SOX5: variants seen among roughly 807,000 people sequenced by gnomAD.
The protein encoded by SOX5 is SRY-box transcription factor 5, also known as transcription factor SOX-5.
In SOX5, 9 loss-of-function variants were observed where a neutral mutation model predicts 92.0. The ratio of observed to expected loss-of-function variants is 0.10; its 90% CI spans 0.06 to 0.17. The LOEUF (loss-of-function observed/expected upper bound fraction) is 0.17. SOX5 is among the 10% of genes least tolerant of loss of function. The probability of loss-of-function intolerance (pLI) is 1.00; values close to 1 mark genes in which losing one functional copy is unlikely to be tolerated. For synonymous variants in SOX5, 344 were observed against 336.3 expected (o/e 1.02, Z -0.25); for missense variants, 642 against 944.5 (o/e 0.68, Z 4.20).
At chr12:23,806,937 T>C (rs1355705895) in intron 3 of SOX5, among the ~76,000 whole-genome samples, 2 of 152,160 alleles carry the variant, frequency 1.3e-5, no homozygotes, top group African/African-American at 4.8e-5. Context: ...TTTTTTGCAA[T>C]CTTTTCACCT....
At chr12:24,170,050 C>T (rs1384178865) in intron 4 of SOX5, among the ~76,000 whole-genome samples, 1 of 152,118 alleles carries the variant, frequency 6.6e-6, no homozygotes, top group Non-Finnish European at 1.5e-5. Context: ...AGAGTGGCAC[C>T]TTTAAGTACA....
intron 2 of SOX5, among the ~76,000 whole-genome samples, chr12:23,871,774 T>C (rs1286420803): frequency 6.6e-6 from 1 of 152,136 alleles, no homozygotes; most frequent in African/African-American, 2.4e-5. Flanking sequence ...TTCACTTGTT[T>C]TCTGTTTCTA....
intron 3 of SOX5, among the ~76,000 whole-genome samples, chr12:23,766,834 T>C (rs949909223): frequency 2.6e-5 from 4 of 152,186 alleles, no homozygotes; most frequent in South Asian, 2.1e-4. Context: ...TAATATTGTA[T>C]ATAATTTATT....
intron 3 of SOX5, among the ~76,000 whole-genome samples, chr12:23,760,616 C>T (rs959928055): frequency 6.6e-6 from 1 of 151,638 alleles, no homozygotes; most frequent in Non-Finnish European, 1.5e-5. Context: ...GTGAATGGCC[C>T]CCCCCAACTG....
At chr12:24,463,747 C>G (rs1943910488) in intron 1 of SOX5, among the ~76,000 whole-genome samples, 1 of 152,198 alleles carries the variant, frequency 6.6e-6, no homozygotes. Context: ...AACTAGTGCT[C>G]TCATTCACTC....
chr12:24,426,688 A>G (rs1197771412), intron 1 of SOX5, among the ~76,000 whole-genome samples: 1 of 152,210 alleles, frequency 6.6e-6, no homozygotes, highest in Admixed American at 6.5e-5. Flanking sequence ...TTCATATCTT[A>G]GTCTTCGCTG....
At chr12:24,189,870 T>A (rs377625669) in intron 4 of SOX5, among the ~76,000 whole-genome samples, 70 of 152,276 alleles carry the variant, frequency 4.6e-4, no homozygotes, top group Middle Eastern at 3.4e-3. Flanking sequence ...CAAGTTCCAA[T>A]ATTGAGACAC....
intron 4 of SOX5, among the ~76,000 whole-genome samples, chr12:24,017,805 T>G (rs936615058): frequency 3.9e-5 from 6 of 152,024 alleles, no homozygotes; most frequent in Non-Finnish European, 7.4e-5. Flanking sequence ...CACCGTCACT[T>G]TCAGATGACC....
intron 1 of SOX5, among the ~76,000 whole-genome samples, chr12:24,386,083 G>T (rs1390227447): frequency 1.3e-5 from 2 of 151,942 alleles, no homozygotes; most frequent in Non-Finnish European, 2.9e-5. Context: ...AACAAAGTAT[G>T]GTATATCCTC....
At chr12:24,196,269 T>C (rs769944038) in intron 4 of SOX5, among the ~76,000 whole-genome samples, 3 of 152,234 alleles carry the variant, frequency 2.0e-5, no homozygotes, top group Non-Finnish European at 2.9e-5. Flanking sequence ...AATAAAGTAG[T>C]TGAAGATCGG....
At position 24,042,154 on chromosome 12, in the gene SOX5, T is replaced by C. The variant is rs898315290; in HGVS notation, c.-1-146130A>G. 2.0e-5 allele frequency among the ~76,000 whole-genome samples: 3 copies of C among 152,206 alleles called. No homozygotes were observed. In the East Asian group the frequency reaches 5.8e-4, roughly 29 times the overall value. On this transcript the variant is annotated intron_variant, in intron 4 of 4. Transcript: ENST00000446891. Reference sequence around the variant, plus strand: ...GAAGAAAAGTTAGTGCAGACCTGAATACATATAACATTTTTATTATAAAAA... The same window carrying C: ...GAAGAAAAGTTAGTGCAGACCTGAACACATATAACATTTTTATTATAAAAA...
intron 1 of SOX5, among the ~76,000 whole-genome samples, chr12:24,561,168 A>G (rs912043379): frequency 6.6e-6 from 1 of 152,228 alleles, no homozygotes; most frequent in African/African-American, 2.4e-5. Context: ...AACTTTTGTA[A>G]GAAAGTACAG....
chr12:23,705,470 T>C (rs975617383), intron 6 of SOX5, among the ~76,000 whole-genome samples: 2 of 151,844 alleles, frequency 1.3e-5, no homozygotes, highest in Non-Finnish European at 2.9e-5. Context: ...TTTCTAATGT[T>C]GAGGGGGAAA....
chr12:24,495,312 G>C (rs528698352), intron 1 of SOX5, among the ~76,000 whole-genome samples: 1 of 152,112 alleles, frequency 6.6e-6, no homozygotes, highest in African/African-American at 2.4e-5. Context: ...TCTAATCAAA[G>C]AGAACCAGTA....
chr12:23,889,890 AAAC>A (rs545616271), intron 2 of SOX5, among the ~76,000 whole-genome samples: 8 of 152,254 alleles, frequency 5.3e-5, no homozygotes, highest in Admixed American at 5.2e-4. Flanking sequence ...TCATCAGTAT[AAAC>A]AATAAATTAG....
chr12:24,219,513 T>C (rs148075343), intron 3 of SOX5, among the ~76,000 whole-genome samples: 1 of 152,198 alleles, frequency 6.6e-6, no homozygotes, highest in Non-Finnish European at 1.5e-5. Flanking sequence ...CCCACTTCTA[T>C]CTATTTAATC....
chr12:24,041,418 A>G (rs71450407), intron 4 of SOX5, among the ~76,000 whole-genome samples: 1 of 152,150 alleles, frequency 6.6e-6, no homozygotes, highest in African/African-American at 2.4e-5. Flanking sequence ...CAGGAGACAG[A>G]CAGAGGGATC....
chr12:23,915,339 G>A (rs2097401756), intron 1 of SOX5, among the ~76,000 whole-genome samples: 1 of 152,082 alleles, frequency 6.6e-6, no homozygotes, highest in Admixed American at 6.5e-5. Context: ...AATTAGCTAT[G>A]AGAAGCCATC....
intron 1 of SOX5, among the ~76,000 whole-genome samples, chr12:24,514,796 A>C (rs1204588888): frequency 6.6e-6 from 1 of 152,214 alleles, no homozygotes; most frequent in Admixed American, 6.5e-5. Flanking sequence ...GCAAACTAAC[A>C]TAAGAACAGA....
Sources: gnomAD v4.1 joint callset for allele counts (sites outside exome capture counted in the v4.1 genomes callset) on GRCh38, gnomAD v4.1.1 for gene constraint, MANE v1.5 for transcripts, NCBI Gene and HGNC (gene_info 2026-07-23, HGNC 2026-07-21) for gene names.